Variants in BEAN1 observed in about 807,000 individuals in gnomAD.
BEAN1 encodes the protein brain expressed associated with NEDD4 1.
In BEAN1, 17 loss-of-function variants were observed where a neutral mutation model predicts 17.7. The ratio of observed to expected loss-of-function variants is 0.96; its 90% CI spans 0.66 to 1.44. The LOEUF is 1.44. BEAN1 is among the 40% of genes most tolerant of loss of function. The pLI is 0.00. For synonymous variants in BEAN1, 142 were observed against 151.8 expected (o/e 0.94, Z 0.47); for missense variants, 359 against 374.1 (o/e 0.96, Z 0.33).
In BEAN1 at chr16:66,469,804, C is replaced by G. The variant is rs1325483867; in HGVS notation, c.228C>G (p.Arg76=). 1 of 1,534,922 alleles carries G rather than the reference C, an allele frequency of 6.5e-7. No homozygotes were observed. Among genetic ancestry groups the G allele is most frequent in the African/African-American group, 1.4e-5 (1 of 72,888 alleles). The part of the protein sequence containing the change: ...RLQRHRHRHH[R]HHHHHHHHRR... ...AGCGGCACCGCCACCGCCACCACCG[C>G]CACCACCACCACCATCATCACCACC... Residue 76 remains arginine (R), a synonymous_variant, in exon 3 of 5, where the codon CGC becomes CGG. Transcript: ENST00000536005.
chr16:66,453,121 C>T (rs1567492349), intron 2 of BEAN1, among the ~76,000 whole-genome samples: 1 of 151,998 alleles, frequency 6.6e-6, no homozygotes, highest in Non-Finnish European at 1.5e-5. Flanking sequence ...TTGATTTCTG[C>T]TCTCATCTTT....
At chr16:66,455,122 C>T (rs1227784957) in intron 2 of BEAN1, among the ~76,000 whole-genome samples, 1 of 152,160 alleles carries the variant, frequency 6.6e-6, no homozygotes, top group Non-Finnish European at 1.5e-5. Context: ...CTCACAGAAA[C>T]ACTCTGAGTG....
At chr16:66,444,395 G>C (rs940594010) in intron 2 of BEAN1, among the ~76,000 whole-genome samples, 4 of 152,150 alleles carry the variant, frequency 2.6e-5, no homozygotes, top group African/African-American at 9.7e-5. Context: ...TTGTAGCGGG[G>C]CTTTGAGGCT....
chr16:66,483,330 C>T (rs1009128891), downstream of BEAN1: 2 of 157,276 alleles, frequency 1.3e-5, no homozygotes, highest in African/African-American at 4.9e-5. Context: ...CTCACTGAAA[C>T]TTGGCATCAT....
chr16:66,428,149 A>G (rs1961652983), intron 1 of BEAN1: 1 of 152,288 alleles, frequency 6.6e-6, no homozygotes, highest in South Asian at 2.1e-4. Flanking sequence ...GCTGAGTGGC[A>G]CCGCCGCCGC....
rs772848546 is a variant in BEAN1, at chr16:66,480,590, G to A, written c.445G>A (p.Glu149Lys). 1.6e-5 allele frequency: 24 copies of A among 1,534,864 alleles called. No homozygotes were observed. The highest frequency in any genetic ancestry group is 7.4e-5 in the East Asian group (3 of 40,548). The change falls in exon 5 of 5, where the codon GAG becomes AAG. Residue 149 changes from glutamate to lysine, a missense_variant. Glu to Lys is a moderately conservative substitution (Grantham distance 56). Coordinates refer to ENST00000536005, the MANE Select transcript of BEAN1 (RefSeq NM_001178020.3). ...AGGGAGCCTCTTCTCTCGTAGCTAC[G>A]AGGAGTGTGTGGGGCCAGGGGCCAC... ...ELYPDSPPGY[E>K]ECVGPGATQL...
chr16:66,448,777 C>T (rs1344736109), intron 2 of BEAN1, among the ~76,000 whole-genome samples: 3 of 152,108 alleles, frequency 2.0e-5, no homozygotes, highest in South Asian at 4.1e-4. Flanking sequence ...GAGCCGAGAT[C>T]GTGCCACTGC....
intron 2 of BEAN1, among the ~76,000 whole-genome samples, chr16:66,461,056 G>T (rs1185484782): frequency 1.3e-5 from 2 of 152,094 alleles, no homozygotes; most frequent in Non-Finnish European, 2.9e-5. Flanking sequence ...TCTCAGAGAA[G>T]AGCCTATTTT....
chr16:66,488,238 C>T (rs1042545841), intron 4 of BEAN1, among the ~76,000 whole-genome samples: 29 of 151,774 alleles, frequency 1.9e-4, no homozygotes, highest in Admixed American at 1.6e-3. Context: ...GGGGTGGGGG[C>T]CTTGGAATGT....
At chr16:66,461,082 G>T in intron 2 of BEAN1, among the ~76,000 whole-genome samples, 1 of 151,834 alleles carries the variant, frequency 6.6e-6, no homozygotes, top group South Asian at 2.1e-4. Context: ...GGTTTCCACT[G>T]GATCATGAGC....
rs1218515408 is a variant in BEAN1 at position 66,469,693 on chromosome 16, G to A, written c.117G>A (p.Ala39=). 25 of 1,536,060 alleles carry A rather than the reference G, an allele frequency of 1.6e-5. No homozygotes were observed. The highest frequency in any genetic ancestry group is 2.4e-5 in the East Asian group (1 of 40,900). The part of the protein sequence containing the change: ...SHLLVSPVLV[A]SAVIGVVIIL... The stretch of plus-strand genomic sequence containing the variant: ...TGCTCGTGTCCCCCGTGCTGGTGGC[G>A]AGTGCCGTCATAGGTGTGGTCATCA... The change falls in exon 3 of 5, where the codon GCG becomes GCA. Residue 39 remains alanine, a synonymous_variant. Coordinates refer to ENST00000536005, the MANE Select transcript of BEAN1 (RefSeq NM_001178020.3).
intron 1 of BEAN1, among the ~76,000 whole-genome samples, chr16:66,435,993 A>G (rs1038786589): frequency 6.6e-6 from 1 of 152,054 alleles, no homozygotes; most frequent in African/African-American, 2.4e-5. Flanking sequence ...TGAGGGATAT[A>G]TACCCCCTCA....
At chr16:66,485,004 C>T, downstream of BEAN1, 1 of 454,154 alleles carries the variant, frequency 2.2e-6, no homozygotes, top group South Asian at 1.6e-5. Flanking sequence ...ATCATTGGGT[C>T]CCCGTGTATG....
intron 2 of BEAN1, among the ~76,000 whole-genome samples, chr16:66,445,731 G>A (rs1465893492): frequency 6.6e-6 from 1 of 152,114 alleles, no homozygotes; most frequent in African/African-American, 2.4e-5. Context: ...AGGCAGTAGG[G>A]ACCAGATGAT....
chr16:66,493,289 G>A (rs58468753), exon 5 of BEAN1: 50,585 of 702,124 alleles, frequency 0.072, 2,409 homozygotes, highest in East Asian at 0.15. Context: ...CCCAGGTTCC[G>A]GGGGACCACA....
intron 3 of BEAN1, among the ~76,000 whole-genome samples, chr16:66,474,443 T>A (rs573138126): frequency 5.7e-4 from 86 of 150,260 alleles, no homozygotes; most frequent in African/African-American, 2.0e-3. Flanking sequence ...CAGGACAGAG[T>A]TGGCCCTCTG....
At chr16:66,490,540 C>A (rs1032599829) in intron 4 of BEAN1, among the ~76,000 whole-genome samples, 1 of 151,982 alleles carries the variant, frequency 6.6e-6, no homozygotes, top group African/African-American at 2.4e-5. Flanking sequence ...GAATTGGCCA[C>A]CCAGGGGCAG....
In BEAN1 at chr16:66,427,825, A is replaced by C. The variant is rs1295492428; in HGVS notation, c.-83+394A>C. The C allele has an allele frequency of 6.6e-6, 1 of 152,122 alleles. No homozygotes were observed. Among genetic ancestry groups the C allele is most frequent in the East Asian group, 1.9e-4 (1 of 5,142 alleles). 9.4% of individuals were successfully genotyped at this position (152,122 alleles called of 1,614,324 possible). A position where few individuals can be genotyped will look rare whatever the true frequency, so the allele number is the denominator to read the frequency against. ...TTGCCCTCGGTTTCGGGGACCCCTG[A>C]ACAACCCAACCAAGAAGGGAAAACT... On this transcript the variant is annotated intron_variant, in intron 1 of 4. Coordinates refer to ENST00000536005, the MANE Select transcript of BEAN1 (RefSeq NM_001178020.3). This position sits in a 1 kb window ranked among gnomAD's most constrained non-coding sequence, Gnocchi z 4.7.
chr16:66,469,514 G>A, intron 2 of BEAN1, 88 bp from the exon 3 acceptor site: 2 of 1,388,590 alleles, frequency 1.4e-6, no homozygotes, highest in African/African-American at 1.4e-5. Context: ...TATTTAGGGA[G>A]CAACAGCTCA....
Sources: allele counts gnomAD v4.1 joint callset (sites outside exome capture counted in the v4.1 genomes callset), GRCh38; gene constraint gnomAD v4.1.1; non-coding constraint Gnocchi (gnomAD v3.1); transcripts MANE v1.5; gene names NCBI Gene and HGNC (gene_info 2026-07-23, HGNC 2026-07-21).